Variants in GRIK1 observed in about 807,000 individuals in gnomAD.
GRIK1 encodes glutamate receptor ionotropic, kainate 1.
In GRIK1, 69 loss-of-function variants were observed where a neutral mutation model predicts 105.7. The ratio of observed to expected loss-of-function variants is 0.65; its 90% confidence interval spans 0.54 to 0.80. The LOEUF is 0.80. Ranked by LOEUF, GRIK1 falls within the 30% of genes least tolerant of loss-of-function variation. The pLI is 0.00. For missense variants in GRIK1, 1,109 were observed against 1,167.3 expected, an observed-to-expected ratio of 0.95 and a Z score of 0.73; for synonymous variants, 438 against 431.3, an observed-to-expected ratio of 1.02 and a Z score of -0.19.
At chr21:29,539,986 T>C (rs975957448) in intron 16 of GRIK1, among the ~76,000 whole-genome samples, 1 of 152,204 alleles carries the variant, frequency 6.6e-6, no homozygotes, top group African/African-American at 2.4e-5. Context: ...AAAACCATTA[T>C]GTTAAGAAAT....
intron 1 of GRIK1, among the ~76,000 whole-genome samples, chr21:29,830,401 T>C (rs1481988347): frequency 2.1e-5 from 3 of 141,724 alleles, no homozygotes; most frequent in Non-Finnish European, 4.6e-5. Context: ...GGAGCAGAAA[T>C]AAAATCAGAA....
At chr21:29,872,708 T>C (rs2146142951) in intron 1 of GRIK1, among the ~76,000 whole-genome samples, 1 of 152,314 alleles carries the variant, frequency 6.6e-6, no homozygotes, top group Middle Eastern at 3.4e-3. Context: ...TCTTATATGG[T>C]GGCAGGCAAA....
chr21:29,580,737 T>C (rs2146256272), intron 13 of GRIK1, among the ~76,000 whole-genome samples: 1 of 152,072 alleles, frequency 6.6e-6, no homozygotes, highest in South Asian at 2.1e-4. Flanking sequence ...TTCTATACCA[T>C]ATGCCTGACA....
chr21:29,626,618 G>T (rs554097340), intron 7 of GRIK1, among the ~76,000 whole-genome samples: 1 of 152,252 alleles, frequency 6.6e-6, no homozygotes, highest in South Asian at 2.1e-4. Flanking sequence ...AATAGAACTT[G>T]TATTAATAGG....
intron 7 of GRIK1, among the ~76,000 whole-genome samples, chr21:29,626,322 C>A (rs975540217): frequency 1.4e-4 from 21 of 152,166 alleles, no homozygotes; most frequent in Admixed American, 2.6e-4. Flanking sequence ...GAGTCCCATG[C>A]TTTAATCACC....
chr21:29,703,183 T>C (rs568036786), intron 1 of GRIK1, among the ~76,000 whole-genome samples: 2 of 152,378 alleles, frequency 1.3e-5, no homozygotes, highest in South Asian at 4.1e-4. Flanking sequence ...AGGGCCAAGA[T>C]ACTATATGTA....
chr21:29,550,480 A>G (rs959897518), intron 16 of GRIK1, among the ~76,000 whole-genome samples: 4 of 152,250 alleles, frequency 2.6e-5, no homozygotes, highest in African/African-American at 7.2e-5. Flanking sequence ...CAGCGTTTCC[A>G]GCACATTAAA....
At chr21:29,732,499 A>T (rs1465038809) in intron 1 of GRIK1, among the ~76,000 whole-genome samples, 2 of 152,184 alleles carry the variant, frequency 1.3e-5, no homozygotes, top group Admixed American at 6.6e-5. Context: ...TGCAATCATG[A>T]TTATTAACAA....
chr21:29,576,923 A>T (rs563076680), intron 14 of GRIK1, 41 bp downstream of exon 14: 3 of 1,067,018 alleles, frequency 2.8e-6, no homozygotes, highest in East Asian at 4.7e-5. Flanking sequence ...CTCTACCACA[A>T]GTATCAGATA....
At chr21:29,800,495 T>C (rs2066676033) in intron 1 of GRIK1, among the ~76,000 whole-genome samples, 1 of 152,238 alleles carries the variant, frequency 6.6e-6, no homozygotes, top group African/African-American at 2.4e-5. Context: ...CGAGAGTATG[T>C]ACCCAGGTCT....
At chr21:29,698,308 G>T (rs2063749850) in intron 1 of GRIK1, among the ~76,000 whole-genome samples, 1 of 152,122 alleles carries the variant, frequency 6.6e-6, no homozygotes, top group South Asian at 2.1e-4. Flanking sequence ...CCATGGAAGG[G>T]TTAGGAAATT....
intron 1 of GRIK1, among the ~76,000 whole-genome samples, chr21:29,788,630 C>G (rs937869173): frequency 6.6e-6 from 1 of 152,168 alleles, no homozygotes; most frequent in Non-Finnish European, 1.5e-5. Context: ...CACTTTATTT[C>G]TATTATTATT....
At chr21:29,892,053 A>G (rs1241339526) in intron 1 of GRIK1, among the ~76,000 whole-genome samples, 1 of 152,222 alleles carries the variant, frequency 6.6e-6, no homozygotes, top group Non-Finnish European at 1.5e-5. Context: ...CCATCTTTAT[A>G]GATGAATAAA....
chr21:29,765,713 C>G (rs1234755873), intron 1 of GRIK1, among the ~76,000 whole-genome samples: 2 of 152,160 alleles, frequency 1.3e-5, no homozygotes, highest in Admixed American at 1.3e-4. Context: ...GAATCCCTCC[C>G]TCTGACAAAT....
chr21:29,647,813 ACTTCAGTTGATAAAACACTC>A (rs1190795678), intron 6 of GRIK1, among the ~76,000 whole-genome samples: 1 of 152,166 alleles, frequency 6.6e-6, no homozygotes, highest in Non-Finnish European at 1.5e-5. Flanking sequence ...GTCAATTACC[ACTTCAGTTGATAAAACACTC>A]TTTCTTTTTC....
intron 2 of GRIK1, among the ~76,000 whole-genome samples, chr21:29,692,376 A>G (rs1189842963): frequency 6.6e-6 from 1 of 152,178 alleles, no homozygotes; most frequent in African/African-American, 2.4e-5. Flanking sequence ...GAAAAGTGAT[A>G]GATCTATCTC....
chr21:29,723,960 T>TCCTG (rs754193654), intron 1 of GRIK1, among the ~76,000 whole-genome samples: 3 of 152,194 alleles, frequency 2.0e-5, no homozygotes, highest in Admixed American at 1.3e-4. Context: ...ATAGGTCTTA[T>TCCTG]CCTGCACTTT....
At chr21:29,644,364 G>A (rs774274850) in intron 6 of GRIK1, among the ~76,000 whole-genome samples, 4 of 151,920 alleles carry the variant, frequency 2.6e-5, no homozygotes, top group Non-Finnish European at 4.4e-5. Flanking sequence ...AGTTAGCTTT[G>A]GTGACTAACA....
At chr21:29,641,154 A>G (rs1048612244) in intron 7 of GRIK1, among the ~76,000 whole-genome samples, 2 of 152,158 alleles carry the variant, frequency 1.3e-5, no homozygotes, top group Non-Finnish European at 2.9e-5. Flanking sequence ...AAACTGAGAG[A>G]CAAGAAGTGT....
Sources: gnomAD v4.1 joint callset for allele counts (sites outside exome capture counted in the v4.1 genomes callset) on GRCh38, gnomAD v4.1.1 for gene constraint, MANE v1.5 for transcripts, NCBI Gene and HGNC (gene_info 2026-07-23, HGNC 2026-07-21) for gene names.